The following B3GALT1 variants were observed in gnomAD, a reference collection of about 807,000 sequenced individuals.
B3GALT1 encodes the protein UDP-Gal:betaGlcNAc beta 1,3-galactosyltransferase, polypeptide 1.
In B3GALT1, 10 loss-of-function variants were observed where a neutral mutation model predicts 23.2. The ratio of observed to expected loss-of-function variants is 0.43; its 90% CI spans 0.27 to 0.73. The LOEUF is 0.73. Among genes scored for constraint, B3GALT1 ranks in the 30% least tolerant of loss-of-function variants. The pLI, the probability that B3GALT1 is intolerant of heterozygous loss-of-function variation, is 0.21. For missense variants in B3GALT1, 299 were observed against 405.4 expected, an observed-to-expected ratio of 0.74 and a Z score of 2.25; for synonymous variants, 156 against 141.5, an observed-to-expected ratio of 1.10 and a Z score of -0.73.
At chr2:167,483,301 CAACAACAAA>C (rs1574098021) in intron 1 of B3GALT1, among the ~76,000 whole-genome samples, 1 of 151,998 alleles carries the variant, frequency 6.6e-6, no homozygotes. Context: ...CTCAAAACAA[CAACAACAAA>C]AACAACAAAA....
chr2:167,828,835 A>G (rs1689283760), intron 4 of B3GALT1, among the ~76,000 whole-genome samples: 1 of 152,224 alleles, frequency 6.6e-6, no homozygotes. Flanking sequence ...GAACATTTCC[A>G]GGAGTAATAT....
At chr2:167,753,726 G>A (rs534056775) in intron 3 of B3GALT1, among the ~76,000 whole-genome samples, 2 of 152,228 alleles carry the variant, frequency 1.3e-5, no homozygotes, top group South Asian at 2.1e-4. Context: ...TCATGTTACT[G>A]TTCTACATTG....
chr2:167,649,867 A>G (rs923124129), intron 3 of B3GALT1, among the ~76,000 whole-genome samples: 10 of 151,972 alleles, frequency 6.6e-5, no homozygotes, highest in African/African-American at 2.2e-4. Flanking sequence ...TTCATCAGCA[A>G]ATATTCTTGC....
At chr2:167,583,225 C>T (rs1684519814) in intron 2 of B3GALT1, among the ~76,000 whole-genome samples, 1 of 152,138 alleles carries the variant, frequency 6.6e-6, no homozygotes, top group African/African-American at 2.4e-5. Context: ...CTTTCTTTTC[C>T]TTTTGTCCCC....
intron 2 of B3GALT1, among the ~76,000 whole-genome samples, chr2:167,521,970 G>GTA (rs1289860848): frequency 1.6e-5 from 2 of 124,554 alleles, no homozygotes; most frequent in Non-Finnish European, 3.3e-5. Context: ...CAACATATAT[G>GTA]TGTGTGTGTG....
intron 3 of B3GALT1, among the ~76,000 whole-genome samples, chr2:167,691,694 T>A (rs1411173938): frequency 1.3e-5 from 2 of 152,132 alleles, no homozygotes; most frequent in African/African-American, 4.8e-5. Flanking sequence ...ATTTGCTGTA[T>A]TTGAGAATAT....
intron 1 of B3GALT1, among the ~76,000 whole-genome samples, chr2:167,339,725 AAG>A (rs1491021244): frequency 0.017 from 2,597 of 152,304 alleles, 85 homozygotes; most frequent in African/African-American, 0.059. Context: ...CATTTCGAAG[AAG>A]GATAGAATAG....
intron 1 of B3GALT1, among the ~76,000 whole-genome samples, chr2:167,389,624 G>A (rs542118174): frequency 6.6e-6 from 1 of 152,288 alleles, no homozygotes; most frequent in African/African-American, 2.4e-5. Flanking sequence ...TGATGGTAGG[G>A]TGAACTAGAA....
rs13010672 is a variant in B3GALT1, at chr2:167,520,413, T to C, written c.-410+30136T>C. ...CATCAAAACTCTCCCAAAATTGCTC[T>C]TGTCTGATAAGAGGAGTGAGTAGGA... On this transcript the variant is annotated intron_variant, in intron 2 of 4. Transcript: ENST00000392690. 1.0e-2 allele frequency among the ~76,000 whole-genome samples: 1,519 copies of C among 152,266 alleles called. 16 individuals carry two copies. The highest frequency in any genetic ancestry group is 0.012 in the Non-Finnish European group (846 of 68,022).
intron 3 of B3GALT1, among the ~76,000 whole-genome samples, chr2:167,762,273 A>G (rs1687908596): frequency 6.6e-6 from 1 of 152,210 alleles, no homozygotes; most frequent in Non-Finnish European, 1.5e-5. Flanking sequence ...AAACAATACC[A>G]ATACATACAA....
chr2:167,782,191 A>C (rs1045667446), intron 3 of B3GALT1, among the ~76,000 whole-genome samples: 6 of 152,160 alleles, frequency 3.9e-5, no homozygotes, highest in Admixed American at 2.0e-4. Flanking sequence ...ACACTAACGG[A>C]GATTCCATGC....
intron 1 of B3GALT1, among the ~76,000 whole-genome samples, chr2:167,458,138 C>G (rs907400509): frequency 6.6e-6 from 1 of 152,134 alleles, no homozygotes; most frequent in African/African-American, 2.4e-5. Flanking sequence ...TTCTCCTCAG[C>G]CCCTAACAAC....
At chr2:167,505,438 G>A (rs144725934) in intron 2 of B3GALT1, among the ~76,000 whole-genome samples, 8 of 152,068 alleles carry the variant, frequency 5.3e-5, no homozygotes, top group East Asian at 1.9e-4. Context: ...TCTTCAAAGC[G>A]CCTCTTCTTG....
intron 3 of B3GALT1, chr2:167,714,917 T>C: frequency 6.2e-7 from 1 of 1,611,580 alleles, no homozygotes; most frequent in Admixed American, 1.7e-5. Flanking sequence ...AGTCATTATT[T>C]TAAGTTTCTG....
chr2:167,709,577 A>G (rs575797834), intron 3 of B3GALT1, among the ~76,000 whole-genome samples: 172 of 152,302 alleles, frequency 1.1e-3, no homozygotes, highest in Non-Finnish European at 2.0e-3. Context: ...AGTTATGAAT[A>G]ATGAGAGAAA....
intron 2 of B3GALT1, among the ~76,000 whole-genome samples, chr2:167,555,756 A>G (rs754079018): frequency 7.9e-5 from 12 of 152,202 alleles, no homozygotes; most frequent in Non-Finnish European, 1.6e-4. Flanking sequence ...GTGTGGTACC[A>G]TGAAGGGTTC....
At chr2:167,634,588 T>A (rs1041490681) in intron 2 of B3GALT1, among the ~76,000 whole-genome samples, 4 of 152,100 alleles carry the variant, frequency 2.6e-5, no homozygotes, top group African/African-American at 7.2e-5. Flanking sequence ...GCAAGTAAAC[T>A]AGAAAATCTA....
At chr2:167,648,845 G>A (rs1685803999) in intron 3 of B3GALT1, among the ~76,000 whole-genome samples, 1 of 151,950 alleles carries the variant, frequency 6.6e-6, no homozygotes, top group Non-Finnish European at 1.5e-5. Flanking sequence ...GTGTTCCCTG[G>A]ATTTCAGCTT....
chr2:167,446,484 G>A (rs533956920), intron 1 of B3GALT1, among the ~76,000 whole-genome samples: 8 of 152,232 alleles, frequency 5.3e-5, no homozygotes, highest in Admixed American at 3.3e-4. Context: ...CATTCTCCCT[G>A]TCACTCTCAG....
Sources: gnomAD v4.1 joint callset for allele counts (sites outside exome capture counted in the v4.1 genomes callset) on GRCh38, gnomAD v4.1.1 for gene constraint, MANE v1.5 for transcripts, NCBI Gene and HGNC (gene_info 2026-07-23, HGNC 2026-07-21) for gene names.